TERF1: variants seen among roughly 807,000 people sequenced by gnomAD.
TERF1 encodes telomeric repeat-binding factor 1.
A neutral mutation model predicts 55.1 loss-of-function variants in TERF1; 20 were observed. That is an observed-to-expected ratio of 0.36 (90% CI 0.26 to 0.53). TERF1 has a LOEUF of 0.53. Among genes scored for constraint, TERF1 ranks in the 20% least tolerant of loss-of-function variants. The pLI is 0.91. For synonymous variants in TERF1, 168 were observed against 181.2 expected (o/e 0.93, Z 0.59); for missense variants, 439 against 535.7 (o/e 0.82, Z 1.78).
chr8:73,036,827 AATAT>A (rs1382241133), intron 8 of TERF1, among the ~76,000 whole-genome samples: 1 of 144,444 alleles, frequency 6.9e-6, no homozygotes, highest in Non-Finnish European at 1.5e-5. Flanking sequence ...GTTATATATA[AATAT>A]ATATAATATA....
chr8:73,020,005 G>C (rs56107348), intron 2 of TERF1, among the ~76,000 whole-genome samples: 68 of 152,184 alleles, frequency 4.5e-4, no homozygotes, highest in African/African-American at 1.6e-3. Context: ...TAGCATGTGC[G>C]TATCATAAGA....
At chr8:73,011,296 C>G (rs1204257271) in intron 1 of TERF1, 1 of 152,238 alleles carries the variant, frequency 6.6e-6, no homozygotes. Flanking sequence ...ACCTGTAATC[C>G]CAGCCCTTTG....
chr8:73,019,952 A>G (rs1808680325), intron 2 of TERF1, among the ~76,000 whole-genome samples: 1 of 152,082 alleles, frequency 6.6e-6, no homozygotes, highest in African/African-American at 2.4e-5. Flanking sequence ...TACTACTCTG[A>G]AACTGTATTG....
At chr8:73,009,283 TC>T in intron 1 of TERF1, 78 bp downstream of exon 1, 1 of 1,061,830 alleles carries the variant, frequency 9.4e-7, no homozygotes, top group Admixed American at 2.5e-5. Context: ...GAGGGCTGGT[TC>T]CCTACGTCGC....
At position 73,020,984 on chromosome 8, in the gene TERF1, A is replaced by G. The variant is rs55916901; in HGVS notation, c.537+179A>G. Among the ~76,000 whole-genome samples the G allele has an allele frequency of 6.3e-4, 96 of 152,294 alleles. No individual in the cohort carries two copies. In the East Asian group the frequency reaches 0.018, roughly 28 times the overall value. Reference sequence around the variant, plus strand: ...ACTGGGGGCTGGAACTTAATGTGCCATACTTAAGCATATGTTGCCTCTATG... The same window carrying G: ...ACTGGGGGCTGGAACTTAATGTGCCGTACTTAAGCATATGTTGCCTCTATG... On this transcript the variant is annotated intron_variant, in intron 3 of 9. Coordinates refer to ENST00000276603, the MANE Select transcript of TERF1 (RefSeq NM_017489.3).
At chr8:73,033,385 T>A (rs150122405) in intron 8 of TERF1, among the ~76,000 whole-genome samples, 2 of 152,150 alleles carry the variant, frequency 1.3e-5, no homozygotes, top group African/African-American at 4.8e-5. Flanking sequence ...TAAATGAGAA[T>A]AATGTGAGCA....
At chr8:73,034,338 G>A (rs868062599) in intron 8 of TERF1, among the ~76,000 whole-genome samples, 6 of 151,990 alleles carry the variant, frequency 3.9e-5, no homozygotes, top group African/African-American at 1.4e-4. Context: ...CGCCATGTTG[G>A]CCAGGCTGGT....
At chr8:73,035,163 TTTAG>T (rs1402206210) in intron 8 of TERF1, among the ~76,000 whole-genome samples, 5 of 152,192 alleles carry the variant, frequency 3.3e-5, no homozygotes, top group Admixed American at 6.5e-5. Context: ...GTCATTCAAC[TTTAG>T]TTAATCAACT....
chr8:73,025,242 C>G (rs927386616), intron 5 of TERF1, among the ~76,000 whole-genome samples: 6 of 152,060 alleles, frequency 3.9e-5, no homozygotes, highest in Admixed American at 2.0e-4. Flanking sequence ...AAGAAATAGG[C>G]AAAAGCAAAT....
At chr8:73,013,723 CTTCA>C (rs1161722754) in intron 1 of TERF1, 168 bp from the exon 2 acceptor site, 1 of 569,506 alleles carries the variant, frequency 1.8e-6, no homozygotes. Flanking sequence ...TAAGAAATGT[CTTCA>C]TTGCTATTCT....
chr8:73,024,778 A>C, intron 4 of TERF1, 44 bp from the exon 5 acceptor site: 1 of 1,399,416 alleles, frequency 7.1e-7, no homozygotes, highest in East Asian at 2.4e-5. Flanking sequence ...TGTATCTGTA[A>C]CTTTGTGTGA....
At chr8:73,010,451 G>T (rs1452234871) in intron 1 of TERF1, 1 of 152,216 alleles carries the variant, frequency 6.6e-6, no homozygotes, top group Non-Finnish European at 1.5e-5. Flanking sequence ...TTTAGCTCAT[G>T]TAGGTATAGA....
At chr8:73,035,520 AT>A (rs1166660248) in intron 8 of TERF1, among the ~76,000 whole-genome samples, 1 of 151,980 alleles carries the variant, frequency 6.6e-6, no homozygotes, top group African/African-American at 2.4e-5. Context: ...GCATTGTTGA[AT>A]GAAGTGTTTT....
chr8:73,045,350 ATTAG>A (rs147732161), intron 9 of TERF1, among the ~76,000 whole-genome samples: 3,338 of 152,310 alleles, frequency 0.022, 99 homozygotes, highest in African/African-American at 0.076. Flanking sequence ...AGAAGGAATA[ATTAG>A]TTAGTTGCCT....
At chr8:73,014,353 T>A (rs942400838) in intron 2 of TERF1, among the ~76,000 whole-genome samples, 2 of 152,216 alleles carry the variant, frequency 1.3e-5, no homozygotes, top group African/African-American at 4.8e-5. Context: ...CCCAGGTGAT[T>A]CTGATGCTAC....
intron 2 of TERF1, among the ~76,000 whole-genome samples, chr8:73,014,258 A>T (rs1051473583): frequency 7.3e-5 from 11 of 150,088 alleles, no homozygotes; most frequent in African/African-American, 2.7e-4. Flanking sequence ...AAAAAAAAAC[A>T]TAGTGCTGAG....
chr8:73,020,323 T>G (rs1400771065), intron 2 of TERF1, among the ~76,000 whole-genome samples: 1 of 152,184 alleles, frequency 6.6e-6, no homozygotes, highest in Non-Finnish European at 1.5e-5. Context: ...TTCTCACCAT[T>G]TTATAGGTGA....
In TERF1 at chr8:73,008,909, C is replaced by T. The variant is rs560420585; in HGVS notation, c.23C>T (p.Ala8Val). 3.1e-6 allele frequency: 5 copies of T among 1,609,094 alleles called. No homozygotes were observed. Among genetic ancestry groups the T allele is most frequent in the East Asian group, 2.2e-5 (1 of 44,720 alleles). ...AACATGGCGGAGGATGTTTCCTCAG[C>T]GGCCCCGAGCCCGCGGGGCTGTGCG... MAEDVSS[A>V]APSPRGCADG... Residue 8 changes from alanine to valine, a missense_variant, in exon 1 of 10, where the codon GCG becomes GTG. Around this residue, in one of 4 missense-constraint regions of TERF1, gnomAD observed 179 missense variants for 152.6 expected, o/e 1.17. Coordinates refer to ENST00000276603, the MANE Select transcript of TERF1 (RefSeq NM_017489.3).
At chr8:73,029,059 G>A (rs920921954) in intron 6 of TERF1, among the ~76,000 whole-genome samples, 2 of 152,122 alleles carry the variant, frequency 1.3e-5, no homozygotes, top group Admixed American at 6.5e-5. Flanking sequence ...CATCGTGGAA[G>A]CAGAACCAGG....
Sources: allele counts gnomAD v4.1 joint callset (sites outside exome capture counted in the v4.1 genomes callset), GRCh38; gene constraint gnomAD v4.1.1; regional missense constraint gnomAD v4.1.1; transcripts MANE v1.5; gene names NCBI Gene and HGNC (gene_info 2026-07-23, HGNC 2026-07-21).